ABL1: variants seen among roughly 807,000 people sequenced by gnomAD.
ABL1 encodes ABL proto-oncogene 1, non-receptor tyrosine kinase.
A neutral mutation model predicts 94.7 loss-of-function variants in ABL1; 11 were observed. The observed-to-expected ratio is 0.12, with a 90% CI of 0.07 to 0.19. The LOEUF (loss-of-function observed/expected upper bound fraction) is 0.19. ABL1 is among the 10% of genes least tolerant of loss of function. The probability of loss-of-function intolerance (pLI) is 1.00; values close to 1 mark genes in which losing one functional copy is unlikely to be tolerated. For missense variants in ABL1, 1,082 were observed against 1,489.4 expected (o/e 0.73, Z 4.50); for synonymous variants, 656 against 622.4 (o/e 1.05, Z -0.80).
chr9:130,791,003 A>T (rs1030927008), intron 1 of ABL1, among the ~76,000 whole-genome samples: 8 of 152,224 alleles, frequency 5.3e-5, no homozygotes, highest in African/African-American at 1.9e-4. Flanking sequence ...ACAGGTTCTA[A>T]GGGTGGTAAT....
At chr9:130,819,056 A>C (rs938584465) in intron 1 of ABL1, among the ~76,000 whole-genome samples, 1 of 152,162 alleles carries the variant, frequency 6.6e-6, no homozygotes, top group African/African-American at 2.4e-5. Flanking sequence ...CTTGGAGGTC[A>C]GAAATTGTCT....
intron 1 of ABL1, among the ~76,000 whole-genome samples, chr9:130,826,595 A>G (rs531002479): frequency 5.3e-5 from 8 of 152,264 alleles, no homozygotes; most frequent in South Asian, 4.1e-4. Flanking sequence ...GCCTGTAAGA[A>G]TCTGCGGAAA....
At chr9:130,882,693 C>T (rs1276245308) in intron 10 of ABL1, among the ~76,000 whole-genome samples, 2 of 152,058 alleles carry the variant, frequency 1.3e-5, no homozygotes, top group Non-Finnish European at 2.9e-5. Flanking sequence ...TGCCACCACA[C>T]CCAGCTAATT....
At chr9:130,876,525 C>T (rs1020714980) in intron 7 of ABL1, among the ~76,000 whole-genome samples, 3 of 151,130 alleles carry the variant, frequency 2.0e-5, no homozygotes, top group African/African-American at 4.9e-5. Flanking sequence ...TCAAGCAATT[C>T]TTCTGCCTCA....
At chr9:130,883,170 A>G (rs1393582126) in intron 10 of ABL1, among the ~76,000 whole-genome samples, 3 of 151,946 alleles carry the variant, frequency 2.0e-5, no homozygotes, top group Non-Finnish European at 4.4e-5. Context: ...CGCTTCTCTC[A>G]ATAAAGCCAT....
At chr9:130,756,139 G>A (rs1344306391) in intron 1 of ABL1, among the ~76,000 whole-genome samples, 1 of 152,108 alleles carries the variant, frequency 6.6e-6, no homozygotes, top group Non-Finnish European at 1.5e-5. Flanking sequence ...TAAATGAAAA[G>A]ATCAACAAAT....
At chr9:130,715,244 C>A (rs530970498) in intron 1 of ABL1, among the ~76,000 whole-genome samples, 4 of 152,190 alleles carry the variant, frequency 2.6e-5, no homozygotes, top group Non-Finnish European at 5.9e-5. Context: ...GGTCGGCTTA[C>A]ACTGATGTCT....
chr9:130,738,676 A>G (rs1831776213), intron 1 of ABL1, among the ~76,000 whole-genome samples: 1 of 152,194 alleles, frequency 6.6e-6, no homozygotes, highest in Middle Eastern at 3.2e-3. Flanking sequence ...TCTTGTTTAT[A>G]TCAATTACCT....
chr9:130,783,320 AG>A (rs1162960891), intron 1 of ABL1, among the ~76,000 whole-genome samples: 9 of 152,150 alleles, frequency 5.9e-5, no homozygotes, highest in African/African-American at 1.9e-4. Context: ...GATGAGATGG[AG>A]GCTGTGATTG....
chr9:130,830,626 C>T (rs565709760), upstream of ABL1, among the ~76,000 whole-genome samples: 2 of 152,184 alleles, frequency 1.3e-5, no homozygotes, highest in African/African-American at 4.8e-5. Context: ...GAGCTCTTGA[C>T]TGAGTCCCAG....
chr9:130,806,644 G>GAC (rs57777110), intron 1 of ABL1, among the ~76,000 whole-genome samples: 37,756 of 151,972 alleles, frequency 0.25, 6,105 homozygotes, highest in African/African-American at 0.47. Context: ...GTGAAGTGAA[G>GAC]ACTGTCTCAA....
intron 1 of ABL1, among the ~76,000 whole-genome samples, chr9:130,740,070 A>G (rs1831797564): frequency 6.6e-6 from 1 of 152,240 alleles, no homozygotes; most frequent in South Asian, 2.1e-4. Flanking sequence ...TGTTAATATT[A>G]AATGTTATTT....
chr9:130,821,208 G>A (rs1830358258), intron 1 of ABL1, among the ~76,000 whole-genome samples: 1 of 152,112 alleles, frequency 6.6e-6, no homozygotes, highest in Non-Finnish European at 1.5e-5. Flanking sequence ...GGGATTACAG[G>A]CGTGAGCCAC....
chr9:130,759,121 A>G (rs1024154703), intron 1 of ABL1, among the ~76,000 whole-genome samples: 3 of 147,312 alleles, frequency 2.0e-5, no homozygotes, highest in African/African-American at 5.2e-5. Context: ...AGAAGACGAC[A>G]CTTAAACATG....
rs398012452 is a variant in ABL1 at position 130,867,950 on chromosome 9, T to TC, written c.823-4179_823-4178insC. Among the ~76,000 whole-genome samples the TC allele has an allele frequency of 7.1e-4, 106 of 149,798 alleles. 1 individual carries two copies. The highest frequency in any genetic ancestry group is 2.5e-3 in the African/African-American group (102 of 40,368). On this transcript the variant is annotated intron_variant, in intron 4 of 10. Transcript: ENST00000318560. ...ATCCCTCCAGTGGTTTTTTTTTTTT[T>TC]GCTTTTTGTTTTTGTTTTTGTTTTT...
chr9:130,723,829 TG>T (rs2132679143), intron 1 of ABL1, among the ~76,000 whole-genome samples: 1 of 152,212 alleles, frequency 6.6e-6, no homozygotes, highest in South Asian at 2.1e-4. Context: ...CTTTTTTTTT[TG>T]AGATGGAGTC....
intron 1 of ABL1, among the ~76,000 whole-genome samples, chr9:130,779,341 T>C (rs1458131546): frequency 6.6e-6 from 1 of 152,222 alleles, no homozygotes; most frequent in Non-Finnish European, 1.5e-5. Context: ...CAGCACAGTT[T>C]AATAACAGTC....
At chr9:130,846,395 C>T (rs1447349128) in intron 1 of ABL1, among the ~76,000 whole-genome samples, 1 of 152,066 alleles carries the variant, frequency 6.6e-6, no homozygotes, top group Non-Finnish European at 1.5e-5. Flanking sequence ...TACAGAGATT[C>T]CTTGAACTGG....
At chr9:130,721,593 C>G (rs1303944191) in intron 1 of ABL1, among the ~76,000 whole-genome samples, 2 of 151,994 alleles carry the variant, frequency 1.3e-5, no homozygotes, top group Non-Finnish European at 2.9e-5. Flanking sequence ...GCCTGTAATC[C>G]CAGCTACTCA....
Sources: gnomAD v4.1 joint callset for allele counts (sites outside exome capture counted in the v4.1 genomes callset) on GRCh38, gnomAD v4.1.1 for gene constraint, MANE v1.5 for transcripts, NCBI Gene and HGNC (gene_info 2026-07-23, HGNC 2026-07-21) for gene names.